SLC52A3: variants seen among roughly 807,000 people sequenced by gnomAD.
SLC52A3 encodes the protein solute carrier family 52, riboflavin transporter, member 3.
Under a neutral mutation model 29.5 loss-of-function variants are expected in SLC52A3, and 20 were observed. The ratio of observed to expected loss-of-function variants is 0.68; its 90% confidence interval spans 0.48 to 0.99. SLC52A3 has a LOEUF of 0.99. Ranked by LOEUF, SLC52A3 falls within the 50% of genes least tolerant of loss-of-function variation. The pLI is 0.00. For synonymous variants in SLC52A3, 301 were observed against 271.0 expected, an observed-to-expected ratio of 1.11 and a Z score of -1.09; for missense variants, 548 against 612.9, an observed-to-expected ratio of 0.89 and a Z score of 1.12.
Position 761,776 on chromosome 20 carries a change from C to A in SLC52A3, c.1122G>T (p.Gly374=). 6.2e-7 allele frequency: 1 copy of A among 1,614,186 alleles called. No homozygotes were observed. The highest frequency in any genetic ancestry group is 8.5e-7 in the Non-Finnish European group (1 of 1,180,008). ...TCACCGCCATGGCCATGTTGTAGCC[C>A]CCAAAGCAGGTCCCAAGCACGGAGA... ...GVLSVLGTCF[G]GYNMAMAVMS... The change falls in exon 4 of 5, where the codon GGG becomes GGT. Residue 374 remains glycine, a synonymous_variant. Transcript: ENST00000645534.
chr20:777,261 CAAACAAA>C, upstream of SLC52A3, among the ~76,000 whole-genome samples: 1 of 42,848 alleles, frequency 2.3e-5, no homozygotes, highest in East Asian at 4.6e-4. Flanking sequence ...AACAAACAAA[CAAACAAA>C]AAACAAAAAA....
At chr20:766,748 C>G (rs1242088273) in intron 1 of SLC52A3, among the ~76,000 whole-genome samples, 2 of 152,238 alleles carry the variant, frequency 1.3e-5, no homozygotes, top group Non-Finnish European at 2.9e-5. Flanking sequence ...AGCCTTGTTG[C>G]TCACACAAAG....
chr20:764,133 C>A, intron 2 of SLC52A3, 130 bp from the exon 3 acceptor site: 1 of 1,058,358 alleles, frequency 9.4e-7, no homozygotes, highest in Non-Finnish European at 1.3e-6. Flanking sequence ...ACATAACTAA[C>A]AAGGTGGCAA....
intron 1 of SLC52A3, among the ~76,000 whole-genome samples, chr20:774,378 T>TC (rs2122554691): frequency 6.6e-6 from 1 of 152,216 alleles, no homozygotes; most frequent in East Asian, 1.9e-4. Flanking sequence ...CCTGTAGGCG[T>TC]CTACTTAGGG....
At chr20:774,066 GC>G (rs1006169830) in intron 1 of SLC52A3, among the ~76,000 whole-genome samples, 1 of 152,224 alleles carries the variant, frequency 6.6e-6, no homozygotes, top group African/African-American at 2.4e-5. Context: ...CTCCATGTGA[GC>G]GGGGGCTTGT....
upstream of SLC52A3, among the ~76,000 whole-genome samples, chr20:776,960 G>A (rs909615640): frequency 6.6e-6 from 1 of 152,124 alleles, no homozygotes; most frequent in Non-Finnish European, 1.5e-5. Context: ...AGATGGCGGG[G>A]CGTGGTGGGT....
chr20:762,774 T>C (rs1213529971), intron 3 of SLC52A3, among the ~76,000 whole-genome samples: 1 of 152,182 alleles, frequency 6.6e-6, no homozygotes, highest in East Asian at 1.9e-4. Flanking sequence ...CTCACTGTCC[T>C]TCTTCTGGGC....
intron 1 of SLC52A3, among the ~76,000 whole-genome samples, chr20:775,268 CTTTTTTTTTTTTTT>C (rs57095806): frequency 7.5e-6 from 1 of 133,572 alleles, no homozygotes; most frequent in Non-Finnish European, 1.6e-5. Context: ...GGGGCCCAGT[CTTTTTTTTTTTTTT>C]TTTTTTTTTT....
chr20:761,144 C>T lies in SLC52A3; in HGVS notation c.1292G>A (p.Trp431Ter), dbSNP rs1379613754. The change falls in exon 5 of 5, where the codon TGG (tryptophan) becomes TAG (stop). Residue 431 changes from tryptophan to a stop codon, truncating the protein, a stop_gained. Transcript: ENST00000645534. LOFTEE classifies it high-confidence loss of function. ...LRDLSRSALL[W>*]CGAAVQLGSL... ...GCCCAGCTGCACCGCCGCCCCGCAC[C>T]ACAAGAGGGCGCTGCGGCTGAGGTC... 15 of 1,589,284 alleles carry T rather than the reference C, an allele frequency of 9.4e-6. No homozygotes were observed. Among genetic ancestry groups the T allele is most frequent in the Non-Finnish European group, 1.3e-5 (15 of 1,169,224 alleles).
rs1344871577 is a variant in SLC52A3, at chr20:765,599, G to A, written c.176C>T (p.Thr59Ile). ...QLANIGPLLV[T>I]LLHHFRPSCL... ...GCTGGGCCGGAAGTGATGGAGCAGG[G>A]TGACCAGGAGGGGCCCGATGTTGGC... Residue 59 changes from threonine to isoleucine, a missense_variant, in exon 2 of 5, where the codon ACC (threonine) becomes ATC (isoleucine). Thr to Ile is a moderately conservative substitution (Grantham distance 89, BLOSUM62 -1). Around this residue, in one of 2 missense-constraint regions of SLC52A3, gnomAD observed 375 missense variants for 471.1 expected, o/e 0.80. Coordinates refer to ENST00000645534, the MANE Select transcript of SLC52A3 (RefSeq NM_033409.4). The surrounding 1 kb of genome is among the most constrained non-coding windows in gnomAD (Gnocchi z 6.6). 1 of 1,595,144 alleles carries A rather than the reference G, an allele frequency of 6.3e-7. No individual in the cohort carries two copies. Among genetic ancestry groups the A allele is most frequent in the Non-Finnish European group, 8.5e-7 (1 of 1,171,560 alleles).
chr20:776,923 G>GA (rs1256073118), upstream of SLC52A3, among the ~76,000 whole-genome samples: 2 of 151,530 alleles, frequency 1.3e-5, no homozygotes, highest in African/African-American at 4.9e-5. Context: ...TGGAGCCATG[G>GA]GTGTCAAATC....
chr20:761,363 G>A, intron 4 of SLC52A3, 125 bp from the exon 5 acceptor site: 1 of 1,139,274 alleles, frequency 8.8e-7, no homozygotes, highest in Admixed American at 2.7e-5. Flanking sequence ...AGCGCCTTCT[G>A]GGAGTGAGCC....
intron 1 of SLC52A3, among the ~76,000 whole-genome samples, chr20:766,528 T>C (rs964853363): frequency 5.3e-5 from 8 of 152,186 alleles, no homozygotes; most frequent in Admixed American, 5.2e-4. Context: ...CTGCCTTAAC[T>C]GATGATATTA....
rs267606687 is a variant in SLC52A3 at position 761,198 on chromosome 20, A to G, written c.1238T>C (p.Val413Ala). Residue 413 changes from valine (V) to alanine (A), a missense_variant, in exon 5 of 5, where the codon GTC becomes GCC. Transcript: ENST00000645534. ...WVLFSGCLSY[V>A]KVMLGVVLRD... ...CAGGACCACGCCCAGCATCACCTTG[A>G]CGTAACTGAGGCAGCCGCTGAAAAG... The G allele has an allele frequency of 3.9e-5, 61 of 1,563,502 alleles. No homozygotes were observed. Among genetic ancestry groups the G allele is most frequent in the Non-Finnish European group, 5.2e-5 (60 of 1,155,348 alleles).
chr20:761,686 C>T lies in SLC52A3; in HGVS notation c.1197+15G>A, dbSNP rs749673791. 3.7e-6 allele frequency: 6 copies of T among 1,613,296 alleles called. No individual in the cohort carries two copies. The highest frequency in any genetic ancestry group is 1.1e-5 in the South Asian group (1 of 90,820). On this transcript the variant is annotated intron_variant, in intron 4 of 4. Coordinates refer to ENST00000645534, the MANE Select transcript of SLC52A3 (RefSeq NM_033409.4). ...GGGTACGCAGCGGGAGCAGCCCCAC[C>T]GGCCGGATACTCACAATGAGGACTT...
chr20:761,204 C>G lies in SLC52A3; in HGVS notation c.1232G>C (p.Ser411Thr). The G allele has an allele frequency of 6.4e-7, 1 of 1,556,640 alleles. No individual in the cohort carries two copies. Among genetic ancestry groups the G allele is most frequent in the South Asian group, 1.2e-5 (1 of 84,652 alleles). ...ASWVLFSGCL[S>T]YVKVMLGVVL... ...CACGCCCAGCATCACCTTGACGTAA[C>G]TGAGGCAGCCGCTGAAAAGCACCCA... The change falls in exon 5 of 5, where the codon AGT becomes ACT. Residue 411 changes from serine to threonine, a missense_variant. Transcript: ENST00000645534.
At chr20:777,104 C>T (rs1313739726), upstream of SLC52A3, among the ~76,000 whole-genome samples, 4 of 151,974 alleles carry the variant, frequency 2.6e-5, no homozygotes, top group African/African-American at 7.3e-5. Context: ...GGCATGATGG[C>T]GGACACCTGT....
chr20:770,990 G>T (rs1269381885), upstream of SLC52A3, among the ~76,000 whole-genome samples: 1 of 152,198 alleles, frequency 6.6e-6, no homozygotes, highest in Non-Finnish European at 1.5e-5. This position sits in a 1 kb window ranked among gnomAD's most constrained non-coding sequence, Gnocchi z 4.5. Context: ...GCTCCTTTGG[G>T]ATTTTGTGGC....
In SLC52A3 at chr20:763,716, C is replaced by T; in HGVS notation, c.855G>A (p.Gln285=). The part of the protein sequence containing the change: ...PAGTVDSSQG[Q]GYLEEKAAPC... ...GGGCTGCTTTCTCCTCTAGATACCC[C>T]TGGCCCTGGCTGCTGTCCACCGTGC... is the stretch of plus-strand genomic sequence containing the variant. Residue 285 remains glutamine (Q), a synonymous_variant, in exon 3 of 5, where the codon CAG becomes CAA. Coordinates refer to ENST00000645534, the MANE Select transcript of SLC52A3 (RefSeq NM_033409.4). 6.2e-7 allele frequency: 1 copy of T among 1,614,172 alleles called. No individual in the cohort carries two copies. The highest frequency in any genetic ancestry group is 8.5e-7 in the Non-Finnish European group (1 of 1,179,994).
Sources: gnomAD v4.1 joint callset for allele counts (sites outside exome capture counted in the v4.1 genomes callset) on GRCh38, gnomAD v4.1.1 for gene constraint, gnomAD v4.1.1 regional missense constraint, Gnocchi (gnomAD v3.1) non-coding constraint, MANE v1.5 for transcripts, NCBI Gene and HGNC (gene_info 2026-07-23, HGNC 2026-07-21) for gene names.